The following CFAP58 variants were observed in gnomAD, a reference collection of about 807,000 sequenced individuals.
CFAP58 encodes cilia and flagella associated protein 58, also known as cilia- and flagella-associated protein 58.
Under a neutral mutation model 119.5 loss-of-function variants are expected in CFAP58, and 88 were observed. The ratio of observed to expected loss-of-function variants is 0.74; its 90% CI spans 0.62 to 0.88. CFAP58 has a LOEUF of 0.88. Among genes scored for constraint, CFAP58 ranks in the 40% least tolerant of loss-of-function variants. The pLI is 0.00. For missense variants in CFAP58, 990 were observed against 1,021.2 expected, an observed-to-expected ratio of 0.97 and a Z score of 0.42; for synonymous variants, 365 against 366.3, an observed-to-expected ratio of 1.00 and a Z score of 0.04.
upstream of CFAP58, chr10:104,351,901 AT>A (rs1373521942): frequency 6.6e-6 from 1 of 152,196 alleles, no homozygotes; most frequent in African/African-American, 2.4e-5. Context: ...TCTAAAGCAG[AT>A]TGATGTCCAG....
chr10:104,429,611 T>A (rs2012810318), intron 15 of CFAP58, among the ~76,000 whole-genome samples: 1 of 152,228 alleles, frequency 6.6e-6, no homozygotes, highest in Admixed American at 6.5e-5. Context: ...TCTTTGATAT[T>A]GAATATTACT....
chr10:104,343,555 A>G, the CFAP58 span, among the ~76,000 whole-genome samples: 1 of 151,944 alleles, frequency 6.6e-6, no homozygotes, highest in African/African-American at 2.4e-5. Context: ...TTATTTCACA[A>G]CCCAGTATAC....
intron 15 of CFAP58, among the ~76,000 whole-genome samples, chr10:104,439,704 TAACAACAACAAC>T (rs60040374): frequency 3.3e-5 from 5 of 151,176 alleles, no homozygotes; most frequent in South Asian, 2.1e-4. Flanking sequence ...GACTCTGTCT[TAACAACAACAAC>T]AACAACAACA....
chr10:104,358,202 A>G (rs2014619938), intron 1 of CFAP58, 139 bp from the exon 2 acceptor site: 1 of 765,820 alleles, frequency 1.3e-6, no homozygotes, highest in Admixed American at 2.9e-5. Flanking sequence ...CTGTCATATA[A>G]TCTTAATTTT....
intron 15 of CFAP58, among the ~76,000 whole-genome samples, chr10:104,429,924 C>T (rs1197497666): frequency 1.3e-5 from 2 of 151,728 alleles, no homozygotes; most frequent in Non-Finnish European, 2.9e-5. Context: ...AGGGTTCTGG[C>T]TCTCTCACTG....
At chr10:104,453,761 A>AGTGTGT (rs56666132) in intron 17 of CFAP58, among the ~76,000 whole-genome samples, 2,549 of 138,880 alleles carry the variant, frequency 0.018, 40 homozygotes, top group South Asian at 0.066. Flanking sequence ...CATGAATATG[A>AGTGTGT]GTGTGTGTGT....
At chr10:104,445,544 T>G (rs985043398) in intron 15 of CFAP58, among the ~76,000 whole-genome samples, 1 of 152,234 alleles carries the variant, frequency 6.6e-6, no homozygotes, top group African/African-American at 2.4e-5. Flanking sequence ...CATTACTCTC[T>G]AATGTGGCTT....
chr10:104,441,246 G>T (rs1239399147), intron 15 of CFAP58, among the ~76,000 whole-genome samples: 3 of 152,068 alleles, frequency 2.0e-5, no homozygotes, highest in African/African-American at 7.2e-5. Flanking sequence ...CGAGTGATTT[G>T]CCTGCATCGG....
At chr10:104,341,137 C>T in the CFAP58 span, among the ~76,000 whole-genome samples, 2 of 152,068 alleles carry the variant, frequency 1.3e-5, no homozygotes, top group Non-Finnish European at 1.5e-5. Context: ...CAGAAGCAAA[C>T]GTAAAATTCG....
the CFAP58 span, among the ~76,000 whole-genome samples, chr10:104,347,698 C>T: frequency 1.3e-5 from 2 of 151,706 alleles, no homozygotes; most frequent in East Asian, 1.9e-4. Flanking sequence ...TTTTTTATTT[C>T]TGATATATAC....
chr10:104,399,293 G>A (rs974226543), intron 11 of CFAP58, 67 bp from the exon 12 acceptor site: 183 of 1,550,836 alleles, frequency 1.2e-4, no homozygotes, highest in Middle Eastern at 8.6e-4. Context: ...ATCTGAATCC[G>A]GGCCCTGTCG....
At chr10:104,416,402 A>G (rs1157939450) in intron 15 of CFAP58, among the ~76,000 whole-genome samples, 1 of 152,200 alleles carries the variant, frequency 6.6e-6, no homozygotes, top group Non-Finnish European at 1.5e-5. Flanking sequence ...ACTGGAAATC[A>G]CTGCTTCTTT....
rs777060639 is a variant in CFAP58 at position 104,447,795 on chromosome 10, A to G, written c.2354A>G (p.His785Arg). The G allele has an allele frequency of 5.0e-6, 8 of 1,613,636 alleles. No homozygotes were observed. The highest frequency in any genetic ancestry group is 6.8e-6 in the Non-Finnish European group (8 of 1,179,774). ...EQLKLYRRTL[H>R]DKKQQLKVLS... ...CTGAAGCTGTACCGACGCACGCTGC[A>G]TGACAAGAAGCAGCAGCTGAAAGTA... Residue 785 changes from histidine (H) to arginine (R), a missense_variant, in exon 16 of 18, where the codon CAT (histidine) becomes CGT (arginine). By Grantham distance (29) the His-to-Arg change is conservative (BLOSUM62 0). Coordinates refer to ENST00000369704, the MANE Select transcript of CFAP58 (RefSeq NM_001008723.2).
At chr10:104,386,391 T>A (rs200644199) in intron 9 of CFAP58, among the ~76,000 whole-genome samples, 3,665 of 133,526 alleles carry the variant, frequency 0.027, 72 homozygotes, top group South Asian at 0.067. Flanking sequence ...AAAAAAAAAA[T>A]AAATAAATAA....
chr10:104,432,819 C>T lies in CFAP58; in HGVS notation c.2257-14879C>T, dbSNP rs2012871772. 1.3e-5 allele frequency among the ~76,000 whole-genome samples: 2 copies of T among 152,094 alleles called. 1 individual carries two copies. The highest frequency in any genetic ancestry group is 4.1e-4 in the South Asian group (2 of 4,828). On this transcript the variant is annotated intron_variant, in intron 15 of 17. Transcript: ENST00000369704. ...CCCGGCCAGTAGGCACTTTTATATA[C>T]TGTGGGTAGAGTTTAAATGGATGTA...
In CFAP58 at chr10:104,359,861, G is replaced by T. The variant is rs143085282; in HGVS notation, c.291+1239G>T. Among the ~76,000 whole-genome samples the T allele has an allele frequency of 1.9e-4, 29 of 152,280 alleles. No individual in the cohort carries two copies. The East Asian group carries it at 4.4e-3, about 23-fold the overall frequency. On this transcript the variant is annotated intron_variant, in intron 2 of 17. Coordinates refer to ENST00000369704, the MANE Select transcript of CFAP58 (RefSeq NM_001008723.2). Reference sequence around the variant, plus strand: ...AAAAAAACAAAATCTGGAAATGGAGGTCATGAATGGATTAAAATCTAATTG... The same window carrying T: ...AAAAAAACAAAATCTGGAAATGGAGTTCATGAATGGATTAAAATCTAATTG...
chr10:104,383,654 C>T (rs896923856), intron 9 of CFAP58, among the ~76,000 whole-genome samples: 6 of 152,134 alleles, frequency 3.9e-5, no homozygotes, highest in African/African-American at 1.4e-4. Context: ...CCCCTGACAG[C>T]ATGTATCAGT....
intron 15 of CFAP58, among the ~76,000 whole-genome samples, chr10:104,441,429 T>A (rs2013035910): frequency 6.6e-6 from 1 of 152,228 alleles, no homozygotes; most frequent in Admixed American, 6.5e-5. Flanking sequence ...GTCAACACTA[T>A]CATGATTTTT....
At chr10:104,428,676 C>T (rs144325349) in intron 15 of CFAP58, among the ~76,000 whole-genome samples, 9 of 152,166 alleles carry the variant, frequency 5.9e-5, no homozygotes, top group African/African-American at 1.9e-4. Context: ...GTGGATATGC[C>T]TGGGGATAGT....
Sources: allele counts gnomAD v4.1 joint callset (sites outside exome capture counted in the v4.1 genomes callset), GRCh38; gene constraint gnomAD v4.1.1; transcripts MANE v1.5; gene names NCBI Gene and HGNC (gene_info 2026-07-23, HGNC 2026-07-21).